STK24: variants seen among roughly 807,000 people sequenced by gnomAD.
STK24 encodes serine/threonine kinase 24.
A neutral mutation model predicts 55.6 loss-of-function variants in STK24; 21 were observed. The ratio of observed to expected loss-of-function variants is 0.38; its 90% CI spans 0.27 to 0.54. STK24 has a LOEUF of 0.54. Ranked by LOEUF, STK24 falls within the 20% of genes least tolerant of loss-of-function variation. STK24 has a pLI of 0.79. For missense variants in STK24, 383 were observed against 538.4 expected, an observed-to-expected ratio of 0.71 and a Z score of 2.86; for synonymous variants, 200 against 215.2, an observed-to-expected ratio of 0.93 and a Z score of 0.62.
At chr13:98,477,704 T>G (rs1160416209) in intron 3 of STK24, among the ~76,000 whole-genome samples, 6 of 144,688 alleles carry the variant, frequency 4.1e-5, no homozygotes, top group Non-Finnish European at 3.0e-5. Context: ...CACATTAGAG[T>G]CGGGTCCCAT....
chr13:98,547,116 G>C (rs1897049417), intron 1 of STK24, among the ~76,000 whole-genome samples: 1 of 152,176 alleles, frequency 6.6e-6, no homozygotes, highest in African/African-American at 2.4e-5. Context: ...GTTTCACCAT[G>C]TTAGCCAGGA....
At chr13:98,521,300 TGTTTTCAGTCAC>T (rs1896252230) in intron 1 of STK24, among the ~76,000 whole-genome samples, 1 of 152,194 alleles carries the variant, frequency 6.6e-6, no homozygotes, top group African/African-American at 2.4e-5. Context: ...ATTGCTCAAT[TGTTTTCAGTCAC>T]GGCACTACAT....
intron 2 of STK24, among the ~76,000 whole-genome samples, chr13:98,485,377 C>G (rs1314092077): frequency 6.6e-6 from 1 of 152,174 alleles, no homozygotes; most frequent in Non-Finnish European, 1.5e-5. Context: ...TGTGCTCAGT[C>G]AGTTCCTGGG....
intron 2 of STK24, among the ~76,000 whole-genome samples, chr13:98,513,190 G>C (rs912333304): frequency 7.2e-5 from 11 of 152,222 alleles, no homozygotes; most frequent in African/African-American, 2.7e-4. Context: ...GGCAAAGCCT[G>C]CACTGGGTCC....
chr13:98,481,704 T>A (rs1894587967), intron 3 of STK24, among the ~76,000 whole-genome samples: 1 of 152,236 alleles, frequency 6.6e-6, no homozygotes, highest in South Asian at 2.1e-4. Context: ...CTTGCTTCCT[T>A]CTATGAATAC....
intron 1 of STK24, among the ~76,000 whole-genome samples, chr13:98,525,687 C>A (rs1302593360): frequency 6.6e-6 from 1 of 152,198 alleles, no homozygotes; most frequent in African/African-American, 2.4e-5. Context: ...CCCGAGCTCA[C>A]CGAGCCTCGA....
At chr13:98,501,429 G>C (rs1037743684) in intron 2 of STK24, among the ~76,000 whole-genome samples, 1 of 152,214 alleles carries the variant, frequency 6.6e-6, no homozygotes, top group Non-Finnish European at 1.5e-5. Flanking sequence ...CAGGAACTGA[G>C]GAGGCTGCAA....
chr13:98,446,895 AGCGAGTGAGATG>A lies in STK24; in HGVS notation c.*6266_*6277del, dbSNP rs932464447. On this transcript the variant is annotated 3_prime_UTR_variant, in exon 11 of 11. Coordinates refer to ENST00000539966, the MANE Select transcript of STK24 (RefSeq NM_001032296.4). The stretch of plus-strand genomic sequence containing the variant: ...CAAACATCAGGATTTCTCCCAAGTC[AGCGAGTGAGATG>A]GCCCCACCCTTCCCTGCCAACTAAG... 1.3e-6 allele frequency: 2 copies of A among 1,496,570 alleles called. No individual in the cohort carries two copies. The highest frequency in any genetic ancestry group is 1.8e-6 in the Non-Finnish European group (2 of 1,085,408). 92.7% of individuals were successfully genotyped at this position (1,496,570 alleles called of 1,614,324 possible).
At chr13:98,537,863 G>T (rs2139414238) in intron 1 of STK24, among the ~76,000 whole-genome samples, 1 of 152,246 alleles carries the variant, frequency 6.6e-6, no homozygotes, top group South Asian at 2.1e-4. Context: ...CTCTTCTATA[G>T]ATGGGGATAA....
chr13:98,460,826 G>C (rs1291049172), intron 8 of STK24, among the ~76,000 whole-genome samples: 1 of 151,834 alleles, frequency 6.6e-6, no homozygotes, highest in Admixed American at 6.6e-5. Flanking sequence ...GATCACTTGA[G>C]CCCAAGAGTT....
chr13:98,459,695 C>G (rs765803076), intron 9 of STK24, among the ~76,000 whole-genome samples: 43 of 152,282 alleles, frequency 2.8e-4, no homozygotes, highest in Non-Finnish European at 2.6e-4. Flanking sequence ...CCCACGCAAA[C>G]AGATGCGTGT....
chr13:98,484,927 C>T (rs1894749429), intron 2 of STK24, among the ~76,000 whole-genome samples: 1 of 152,156 alleles, frequency 6.6e-6, no homozygotes, highest in Non-Finnish European at 1.5e-5. Context: ...CAAGGCTACC[C>T]AGACACAAGG....
chr13:98,543,902 A>G (rs1896964706), intron 1 of STK24, among the ~76,000 whole-genome samples: 1 of 152,186 alleles, frequency 6.6e-6, no homozygotes, highest in African/African-American at 2.4e-5. Context: ...ACTTGATTTT[A>G]CTTCTGGGTC....
chr13:98,570,194 C>T (rs984190558), intron 1 of STK24, among the ~76,000 whole-genome samples: 3 of 152,034 alleles, frequency 2.0e-5, no homozygotes, highest in African/African-American at 7.2e-5. Context: ...TTTAATGTTC[C>T]TCATAAACTA....
At chr13:98,458,503 G>C (rs1893560003) in intron 9 of STK24, among the ~76,000 whole-genome samples, 1 of 152,232 alleles carries the variant, frequency 6.6e-6, no homozygotes, top group African/African-American at 2.4e-5. Context: ...GGGCCAGTGG[G>C]TGTAGAGAGC....
chr13:98,486,962 A>G (rs1894832226), intron 2 of STK24, among the ~76,000 whole-genome samples: 1 of 152,228 alleles, frequency 6.6e-6, no homozygotes. Context: ...TGAGTGGGAA[A>G]GCACTTGGCA....
intron 1 of STK24, among the ~76,000 whole-genome samples, chr13:98,524,383 T>C (rs1314070474): frequency 1.3e-5 from 2 of 152,114 alleles, no homozygotes; most frequent in East Asian, 3.9e-4. Flanking sequence ...AAGGCCTCCA[T>C]CAGCAGCATG....
chr13:98,532,184 G>C (rs1896598082), intron 1 of STK24, among the ~76,000 whole-genome samples: 1 of 152,066 alleles, frequency 6.6e-6, no homozygotes, highest in Admixed American at 6.5e-5. Context: ...AGTGATGCCT[G>C]GAAAACTCTT....
In STK24 at chr13:98,448,874, G is replaced by A. The variant is rs1399528854; in HGVS notation, c.*4299C>T. ...TAGGACTCACTTCTCTGATTAATAA[G>A]CAATTTGCAGCACACAGCGTTCCAC... On this transcript the variant is annotated 3_prime_UTR_variant, in exon 11 of 11. Coordinates refer to ENST00000539966, the MANE Select transcript of STK24 (RefSeq NM_001032296.4). 2 of 152,126 alleles carry A rather than the reference G, an allele frequency of 1.3e-5. No individual in the cohort carries two copies. Among genetic ancestry groups the A allele is most frequent in the African/African-American group, 2.4e-5 (1 of 41,338 alleles). The allele number at this position is 152,126 out of a possible 1,614,324, so 9.4% of individuals were successfully genotyped here. A position where few individuals can be genotyped will look rare whatever the true frequency, so the allele number is the denominator to read the frequency against.
Sources: gnomAD v4.1 joint callset for allele counts (sites outside exome capture counted in the v4.1 genomes callset) on GRCh38, gnomAD v4.1.1 for gene constraint, MANE v1.5 for transcripts, NCBI Gene and HGNC (gene_info 2026-07-23, HGNC 2026-07-21) for gene names.